ARHGEF2: variants seen among roughly 807,000 people sequenced by gnomAD.
The protein encoded by ARHGEF2 is Rho/Rac guanine nucleotide exchange factor 2.
A neutral mutation model predicts 121.0 loss-of-function variants in ARHGEF2; 22 were observed. The ratio of observed to expected loss-of-function variants is 0.18; its 90% CI spans 0.13 to 0.26. The LOEUF (loss-of-function observed/expected upper bound fraction) is 0.26, where lower values mean the gene tolerates loss of function less well. Among genes scored for constraint, ARHGEF2 ranks in the 10% least tolerant of loss-of-function variants. ARHGEF2 has a pLI of 1.00. For synonymous variants in ARHGEF2, 487 were observed against 530.0 expected (o/e 0.92, Z 1.11); for missense variants, 907 against 1,336.0 (o/e 0.68, Z 5.01).
intron 16 of ARHGEF2, 44 bp from the exon 17 acceptor site, chr1:155,952,030 G>T (rs766118559): frequency 6.2e-7 from 1 of 1,613,898 alleles, no homozygotes. Context: ...CTTCCCTGGG[G>T]CCCTGATACC....
rs747573659 is a variant in ARHGEF2 at position 155,961,610 on chromosome 1, C to T, written c.1468+51G>A. ...GATTCTAAGACCTGCAGGCATCTCC[C>T]ACTCTCCATCTGACTTTGAATTCCT... On this transcript the variant is annotated intron_variant, in intron 11 of 21. Coordinates refer to ENST00000361247, the MANE Select transcript of ARHGEF2 (RefSeq NM_001162383.2). The surrounding 1 kb of genome is among the most constrained non-coding windows in gnomAD (Gnocchi z 4.7). 4 of 1,579,488 alleles carry T rather than the reference C, an allele frequency of 2.5e-6. No individual in the cohort carries two copies. The highest frequency in any genetic ancestry group is 3.4e-6 in the Non-Finnish European group (4 of 1,164,676).
At position 155,950,857 on chromosome 1, in the gene ARHGEF2, G is replaced by C; in HGVS notation, c.2675C>G (p.Ala892Gly). The change falls in exon 20 of 22, where the codon GCC becomes GGC. Residue 892 changes from alanine to glycine, a missense_variant. Physicochemically the swap from Ala to Gly is moderately conservative, Grantham distance 60 (BLOSUM62 0). This residue lies in a region of ARHGEF2 where 432 missense variants were observed against 559.5 expected (regional missense o/e 0.77). Transcript: ENST00000361247. The surrounding 1 kb of genome is among the most constrained non-coding windows in gnomAD (Gnocchi z 5.2). ...PRRRSLPAGD[A>G]LYLSFNPPQP... ...TGGGGGGTTGAAACTCAAGTACAGG[G>C]CATCGCCTGCGGGGAGGCTGCGCCG... The C allele has an allele frequency of 6.5e-7, 1 of 1,541,462 alleles. No homozygotes were observed. The highest frequency in any genetic ancestry group is 8.7e-7 in the Non-Finnish European group (1 of 1,144,750).
In ARHGEF2 at chr1:155,947,583, G is replaced by C. The variant is rs746215075; in HGVS notation, c.*359C>G. On this transcript the variant is annotated 3_prime_UTR_variant, in exon 22 of 22. Coordinates refer to ENST00000361247, the MANE Select transcript of ARHGEF2 (RefSeq NM_001162383.2). ...GGATGAGCCTGAATATACCCCAGTA[G>C]TGTTCAAGGACAAGGCCCTCTGATC... The C allele has an allele frequency of 8.0e-6, 3 of 374,826 alleles. No homozygotes were observed. The highest frequency in any genetic ancestry group is 1.0e-5 in the Non-Finnish European group (2 of 192,616). The allele number at this position is 374,826 out of a possible 1,614,324, so 23.2% of individuals were successfully genotyped here.
chr1:155,961,645 G>GGAATT lies in ARHGEF2; in HGVS notation c.1468+15_1468+16insAATTC. The GGAATT allele has an allele frequency of 6.3e-7, 1 of 1,599,476 alleles. No homozygotes were observed. Among genetic ancestry groups the GGAATT allele is most frequent in the Non-Finnish European group, 8.5e-7 (1 of 1,173,878 alleles). ...CTGACTTTGAATTCCTGCCTAGTCT[G>GGAATT]CCGAGCAGGTCTGACCTTTGAAGCG... On this transcript the variant is annotated intron_variant, in intron 11 of 21. Transcript: ENST00000361247. This position sits in a 1 kb window ranked among gnomAD's most constrained non-coding sequence, Gnocchi z 4.7.
intron 14 of ARHGEF2, among the ~76,000 whole-genome samples, chr1:155,953,101 C>T (rs1211407156): frequency 1.3e-5 from 2 of 151,688 alleles, no homozygotes; most frequent in African/African-American, 4.8e-5. Context: ...CCTGTCTCTA[C>T]TTAAAATACA....
In ARHGEF2 at chr1:155,962,753, C is replaced by A. The variant is rs755980631; in HGVS notation, c.976-35G>T. ...GGTCGAGTAAGGTTAGGTCAGCATT[C>A]CCCCAAAGCCACACTTTACCCACTG... On this transcript the variant is annotated intron_variant, in intron 8 of 21. Transcript: ENST00000361247. The surrounding 1 kb of genome is among the most constrained non-coding windows in gnomAD (Gnocchi z 5.8). 67 of 1,612,830 alleles carry A rather than the reference C, an allele frequency of 4.2e-5. No individual in the cohort carries two copies. The Admixed American group carries it at 1.1e-3, about 26-fold the overall frequency.
chr1:155,951,111 C>G lies in ARHGEF2; in HGVS notation c.2421G>C (p.Leu807=). 6.2e-7 allele frequency: 1 copy of G among 1,603,652 alleles called. No individual in the cohort carries two copies. Among genetic ancestry groups the G allele is most frequent in the Non-Finnish European group, 8.5e-7 (1 of 1,176,816 alleles). Residue 807 remains leucine, a synonymous_variant, in exon 20 of 22, where the codon CTG becomes CTC. Coordinates refer to ENST00000361247, the MANE Select transcript of ARHGEF2 (RefSeq NM_001162383.2). This position sits in a 1 kb window ranked among gnomAD's most constrained non-coding sequence, Gnocchi z 5.1. ...PEKQATELAL[L]QRQHALLQEE... ...CCTGCAGCAGCGCATGTTGCCGCTG[C>G]AGTAATGCCAGTTCCGTGGCCTGCT...
At chr1:155,969,446 C>T (rs1037545758) in intron 1 of ARHGEF2, 146 bp from the exon 2 acceptor site, 1 of 1,467,304 alleles carries the variant, frequency 6.8e-7, no homozygotes, top group African/African-American at 1.4e-5. Flanking sequence ...GCAGAGCCTG[C>T]AACTGGGTGT....
chr1:155,969,360 C>G, intron 1 of ARHGEF2, 60 bp from the exon 2 acceptor site: 12 of 1,601,276 alleles, frequency 7.5e-6, no homozygotes, highest in Non-Finnish European at 1.0e-5. Flanking sequence ...TGCCTGGAGT[C>G]CAGAGAGACA....
At chr1:155,964,267 A>AATC (rs2102669579) in intron 7 of ARHGEF2, among the ~76,000 whole-genome samples, 1 of 143,792 alleles carries the variant, frequency 7.0e-6, no homozygotes, top group South Asian at 2.2e-4. Context: ...TTGGTCTCAA[A>AATC]ATCCTGGCGT....
intron 1 of ARHGEF2, among the ~76,000 whole-genome samples, chr1:155,971,898 T>C (rs752634957): frequency 1.0e-4 from 15 of 150,362 alleles, no homozygotes; most frequent in African/African-American, 3.7e-4. Context: ...AAAAAAAATA[T>C]ATACATATAT....
rs2102701674 is a variant in ARHGEF2 at position 155,978,054 on chromosome 1, C to T, written c.63+311G>A. ...CGAGACACACACCTCCCTCTTCCCG[C>T]TCCGTCCCTTACCGGAGCAACTTTC... is the stretch of plus-strand genomic sequence containing the variant. On this transcript the variant is annotated intron_variant, in intron 1 of 21. Coordinates refer to ENST00000361247, the MANE Select transcript of ARHGEF2 (RefSeq NM_001162383.2). The surrounding 1 kb of genome is among the most constrained non-coding windows in gnomAD (Gnocchi z 4.1). 1 of 1,121,382 alleles carries T rather than the reference C, an allele frequency of 8.9e-7. No individual in the cohort carries two copies. Among genetic ancestry groups the T allele is most frequent in the Non-Finnish European group, 1.1e-6 (1 of 915,806 alleles). 69.5% of individuals were successfully genotyped at this position (1,121,382 alleles called of 1,614,324 possible).
chr1:155,971,068 C>G (rs182378678), intron 1 of ARHGEF2: 8 of 986,358 alleles, frequency 8.1e-6, no homozygotes, highest in Non-Finnish European at 9.6e-6. Flanking sequence ...TCTCCTCTCC[C>G]GCCCACAGCC....
At chr1:155,953,822 A>G (rs1215288699) in intron 14 of ARHGEF2, among the ~76,000 whole-genome samples, 1 of 151,704 alleles carries the variant, frequency 6.6e-6, no homozygotes, top group Non-Finnish European at 1.5e-5. Flanking sequence ...CCTCCTTGCT[A>G]GGTGTGATAC....
At chr1:155,958,488 G>A in intron 11 of ARHGEF2, 92 bp from the exon 12 acceptor site, 3 of 1,008,898 alleles carry the variant, frequency 3.0e-6, no homozygotes, top group Non-Finnish European at 4.5e-6. Context: ...ATCCCATCAG[G>A]TTAGAGCTCC....
At chr1:155,978,762 C>A, upstream of ARHGEF2, 1 of 833,968 alleles carries the variant, frequency 1.2e-6, no homozygotes, top group Non-Finnish European at 1.5e-6. The surrounding 1 kb of genome is among the most constrained non-coding windows in gnomAD (Gnocchi z 4.1). Context: ...CTGGGGGCGC[C>A]CTCTAGCCCC....
Position 155,978,503 on chromosome 1 carries a change from G to T in ARHGEF2, c.-76C>A. 1.5e-6 allele frequency: 2 copies of T among 1,338,306 alleles called. No homozygotes were observed. Among genetic ancestry groups the T allele is most frequent in the Non-Finnish European group, 9.7e-7 (1 of 1,030,288 alleles). The allele number at this position is 1,338,306 out of a possible 1,614,324, so 82.9% of individuals were successfully genotyped here. A position where few individuals can be genotyped will look rare whatever the true frequency, so the allele number is the denominator to read the frequency against. ...ATTGTTGGGGGAAGGCGGGGGGAGG[G>T]GTTCGGCCCGCACGCGTTGGTCTCG... On this transcript the variant is annotated 5_prime_UTR_variant, in exon 1 of 22. Coordinates refer to ENST00000361247, the MANE Select transcript of ARHGEF2 (RefSeq NM_001162383.2). The surrounding 1 kb of genome is among the most constrained non-coding windows in gnomAD (Gnocchi z 4.1).
At chr1:155,952,538 C>T in intron 15 of ARHGEF2, 90 bp downstream of exon 15, 1 of 1,437,952 alleles carries the variant, frequency 7.0e-7, no homozygotes, top group Non-Finnish European at 9.5e-7. Context: ...TGGCATCCCA[C>T]TTGTCTGTGT....
At chr1:155,958,487 G>T in intron 11 of ARHGEF2, 91 bp from the exon 12 acceptor site, 1 of 1,020,810 alleles carries the variant, frequency 9.8e-7, no homozygotes, top group Non-Finnish European at 1.5e-6. Flanking sequence ...TATCCCATCA[G>T]GTTAGAGCTC....
Sources: allele counts gnomAD v4.1 joint callset (sites outside exome capture counted in the v4.1 genomes callset), GRCh38; gene constraint gnomAD v4.1.1; regional missense constraint gnomAD v4.1.1; non-coding constraint Gnocchi (gnomAD v3.1); transcripts MANE v1.5; gene names NCBI Gene and HGNC (gene_info 2026-07-23, HGNC 2026-07-21).